DPP10: variants seen among roughly 807,000 people sequenced by gnomAD.
DPP10 encodes the protein dipeptidyl peptidase like 10, also known as inactive dipeptidyl peptidase 10.
A neutral mutation model predicts 120.9 loss-of-function variants in DPP10; 33 were observed. The observed-to-expected ratio is 0.27, with a 90% CI of 0.21 to 0.37. The LOEUF (loss-of-function observed/expected upper bound fraction) is 0.37, where lower values mean the gene tolerates loss of function less well. Ranked by LOEUF, DPP10 falls within the 10% of genes least tolerant of loss-of-function variation. The pLI is 1.00. For missense variants in DPP10, 816 were observed against 942.8 expected, an observed-to-expected ratio of 0.87 and a Z score of 1.76; for synonymous variants, 337 against 326.1, an observed-to-expected ratio of 1.03 and a Z score of -0.36.
In DPP10 at chr2:115,320,343, T is replaced by G. The variant is rs148320944; in HGVS notation, c.175+10990T>G. Reference sequence around the variant, plus strand: ...AATGGAGAATTACATTTATTTACATTTAATTTCTTAAAATGAAGTAATTGT... The same window carrying G: ...AATGGAGAATTACATTTATTTACATGTAATTTCTTAAAATGAAGTAATTGT... On this transcript the variant is annotated intron_variant, in intron 2 of 25. Coordinates refer to ENST00000410059, the MANE Select transcript of DPP10 (RefSeq NM_020868.6). Among the ~76,000 whole-genome samples, 858 of 152,288 alleles carry G rather than the reference T, an allele frequency of 5.6e-3. 7 individuals carry two copies. Among genetic ancestry groups the G allele is most frequent in the African/African-American group, 0.02 (831 of 41,568 alleles).
intron 10 of DPP10, among the ~76,000 whole-genome samples, chr2:115,747,967 A>G (rs1678208482): frequency 6.6e-6 from 1 of 152,166 alleles, no homozygotes; most frequent in Non-Finnish European, 1.5e-5. Context: ...AATTTACAAT[A>G]TCCATGTTTC....
chr2:115,622,829 C>CTTTTTTTTTTTTTTTTT (rs765780452), intron 5 of DPP10, among the ~76,000 whole-genome samples: 50 of 128,238 alleles, frequency 3.9e-4, no homozygotes, highest in Non-Finnish European at 5.3e-4. Context: ...TTCGTTTATT[C>CTTTTTTTTTTTTTTTTT]TTTTTTTTTT....
At chr2:115,258,410 G>A (rs530664178) in intron 1 of DPP10, among the ~76,000 whole-genome samples, 5 of 150,824 alleles carry the variant, frequency 3.3e-5, no homozygotes, top group South Asian at 2.1e-4. Context: ...TGATTGAAAC[G>A]TAGGATAACA....
At chr2:115,534,345 G>A (rs1435497627) in intron 5 of DPP10, among the ~76,000 whole-genome samples, 3 of 151,782 alleles carry the variant, frequency 2.0e-5, no homozygotes, top group East Asian at 3.9e-4. Flanking sequence ...CCACCTATGA[G>A]TGAGAATATG....
At chr2:115,825,606 A>G (rs967327016) in intron 21 of DPP10, among the ~76,000 whole-genome samples, 1 of 152,110 alleles carries the variant, frequency 6.6e-6, no homozygotes, top group African/African-American at 2.4e-5. Context: ...TTCAAACTCC[A>G]ATTCAAACCT....
chr2:115,788,532 G>A (rs963143145), intron 17 of DPP10, among the ~76,000 whole-genome samples: 6 of 152,100 alleles, frequency 3.9e-5, no homozygotes, highest in African/African-American at 1.2e-4. Flanking sequence ...AGAGAAAAAT[G>A]TAATGCCATT....
chr2:114,514,800 G>A (rs756455991), intron 1 of DPP10, among the ~76,000 whole-genome samples: 3 of 139,244 alleles, frequency 2.2e-5, no homozygotes, highest in Non-Finnish European at 4.6e-5. Context: ...TTTTTTCCAC[G>A]TTGGAGGCAG....
chr2:115,232,828 G>T (rs2057803213), intron 1 of DPP10, among the ~76,000 whole-genome samples: 1 of 152,082 alleles, frequency 6.6e-6, no homozygotes. Flanking sequence ...TAGTTAACAT[G>T]TGCCAGCCTT....
chr2:115,373,431 T>G (rs1378254129), intron 3 of DPP10, among the ~76,000 whole-genome samples: 1 of 152,154 alleles, frequency 6.6e-6, no homozygotes, highest in Non-Finnish European at 1.5e-5. Flanking sequence ...GAAAGTCTTT[T>G]CTATTAAGAT....
chr2:114,922,415 C>T (rs190360876), intron 1 of DPP10, among the ~76,000 whole-genome samples: 32 of 152,288 alleles, frequency 2.1e-4, no homozygotes, highest in East Asian at 1.3e-3. Flanking sequence ...TGGGTTCAAA[C>T]GATTCTCCTG....
chr2:114,686,174 G>A (rs72955641), intron 1 of DPP10, among the ~76,000 whole-genome samples: 1,927 of 152,010 alleles, frequency 0.013, 53 homozygotes, highest in African/African-American at 0.045. Context: ...TATAGCCTCA[G>A]ACTGAATTTC....
At chr2:115,346,351 T>C (rs946566469) in intron 3 of DPP10, among the ~76,000 whole-genome samples, 3 of 152,170 alleles carry the variant, frequency 2.0e-5, no homozygotes, top group African/African-American at 7.2e-5. Flanking sequence ...GCTCAGCTTA[T>C]TTGGAAGCAT....
At chr2:114,542,074 G>GTCTCAC (rs1687006082) in intron 1 of DPP10, among the ~76,000 whole-genome samples, 1 of 130,864 alleles carries the variant, frequency 7.6e-6, no homozygotes, top group South Asian at 2.5e-4. Context: ...TTGAGATGGA[G>GTCTCAC]TCTCACTCTG....
chr2:115,401,908 T>A (rs2068098716), intron 3 of DPP10, among the ~76,000 whole-genome samples: 2 of 151,298 alleles, frequency 1.3e-5, no homozygotes, highest in East Asian at 3.9e-4. Flanking sequence ...AAAAAAAAAA[T>A]TCAAAACATC....
rs1167580337 is a variant in DPP10 at position 115,531,808 on chromosome 2, C to T, written c.441+5836C>T. ...TGTTCTCCATTCTGTTACTACGAGC[C>T]ACAAGGGAGAACACTGTCTACATTT... On this transcript the variant is annotated intron_variant, in intron 5 of 25. Coordinates refer to ENST00000410059, the MANE Select transcript of DPP10 (RefSeq NM_020868.6). Among the ~76,000 whole-genome samples the T allele has an allele frequency of 2.6e-5, 4 of 152,184 alleles. No homozygotes were observed. In the East Asian group the frequency reaches 5.8e-4, roughly 22 times the overall value.
chr2:114,969,702 A>G (rs1322527733), intron 1 of DPP10, among the ~76,000 whole-genome samples: 1 of 152,152 alleles, frequency 6.6e-6, no homozygotes, highest in Non-Finnish European at 1.5e-5. Flanking sequence ...TGGAAATGAT[A>G]TGTGGTTCTT....
chr2:115,359,343 T>C (rs1357819897), intron 3 of DPP10, among the ~76,000 whole-genome samples: 1 of 152,164 alleles, frequency 6.6e-6, no homozygotes, highest in Non-Finnish European at 1.5e-5. Context: ...ATTCCCTTAG[T>C]GTTTACTTCT....
At chr2:114,607,351 G>A (rs971817461) in intron 1 of DPP10, among the ~76,000 whole-genome samples, 8 of 152,124 alleles carry the variant, frequency 5.3e-5, no homozygotes, top group Non-Finnish European at 1.2e-4. Flanking sequence ...GGAAGGATAA[G>A]GCAGATTTAT....
At chr2:115,353,722 A>G (rs1187633441) in intron 3 of DPP10, among the ~76,000 whole-genome samples, 1 of 152,068 alleles carries the variant, frequency 6.6e-6, no homozygotes, top group East Asian at 1.9e-4. Context: ...GATGGGCATT[A>G]TTTTTGTTTT....
Sources: gnomAD v4.1 joint callset for allele counts (sites outside exome capture counted in the v4.1 genomes callset) on GRCh38, gnomAD v4.1.1 for gene constraint, MANE v1.5 for transcripts, NCBI Gene and HGNC (gene_info 2026-07-23, HGNC 2026-07-21) for gene names.